The following SOX5 variants were observed in gnomAD, a reference collection of about 807,000 sequenced individuals.
SOX5 encodes SRY-box transcription factor 5.
A neutral mutation model predicts 92.0 loss-of-function variants in SOX5; 9 were observed. The observed-to-expected ratio is 0.10, with a 90% confidence interval of 0.06 to 0.17. The LOEUF (loss-of-function observed/expected upper bound fraction) is 0.17. SOX5 is among the 10% of genes least tolerant of loss of function. SOX5 has a pLI of 1.00. For synonymous variants in SOX5, 344 were observed against 336.3 expected (o/e 1.02, Z -0.25); for missense variants, 642 against 944.5 (o/e 0.68, Z 4.20).
chr12:23,658,314 T>A (rs1012412467), intron 7 of SOX5, among the ~76,000 whole-genome samples: 1 of 152,162 alleles, frequency 6.6e-6, no homozygotes, highest in African/African-American at 2.4e-5. Flanking sequence ...TCATGAGAAG[T>A]GGAAGATGAC....
intron 9 of SOX5, among the ~76,000 whole-genome samples, chr12:23,576,327 T>C (rs1949101735): frequency 6.6e-6 from 1 of 152,134 alleles, no homozygotes; most frequent in South Asian, 2.1e-4. Flanking sequence ...GCTCTCCAAA[T>C]TCAACACGCA....
intron 2 of SOX5, among the ~76,000 whole-genome samples, chr12:24,301,753 G>A (rs1595367220): frequency 6.6e-6 from 1 of 152,076 alleles, no homozygotes; most frequent in South Asian, 2.1e-4. Flanking sequence ...CTGGGTGGAG[G>A]ATGAAGAAAA....
intron 6 of SOX5, among the ~76,000 whole-genome samples, chr12:23,710,401 C>A (rs1051602498): frequency 1.3e-5 from 2 of 152,164 alleles, no homozygotes; most frequent in East Asian, 3.9e-4. Context: ...TTCCCCTACC[C>A]CACAACAGGC....
At chr12:24,069,365 A>G (rs748146869) in intron 4 of SOX5, among the ~76,000 whole-genome samples, 10 of 152,220 alleles carry the variant, frequency 6.6e-5, no homozygotes, top group Admixed American at 2.0e-4. Context: ...CTGGCCCAGT[A>G]TTGTAAAAGA....
intron 3 of SOX5, among the ~76,000 whole-genome samples, chr12:24,275,248 G>A (rs1944299938): frequency 1.3e-5 from 2 of 151,942 alleles, no homozygotes; most frequent in Non-Finnish European, 2.9e-5. Context: ...AACTTCTCAT[G>A]AGTCCATTAT....
intron 2 of SOX5, among the ~76,000 whole-genome samples, chr12:24,293,202 G>A (rs1299887499): frequency 6.6e-6 from 1 of 152,080 alleles, no homozygotes; most frequent in Non-Finnish European, 1.5e-5. Context: ...GGTGATATGT[G>A]ATGGAAGGAG....
intron 3 of SOX5, among the ~76,000 whole-genome samples, chr12:23,780,580 G>A (rs1247812461): frequency 1.3e-5 from 2 of 151,980 alleles, no homozygotes; most frequent in African/African-American, 2.4e-5. Context: ...GAATGAGGGA[G>A]AATTTATTTT....
At chr12:24,033,846 T>C (rs749307330) in intron 4 of SOX5, among the ~76,000 whole-genome samples, 1 of 152,032 alleles carries the variant, frequency 6.6e-6, no homozygotes, top group Non-Finnish European at 1.5e-5. Flanking sequence ...TACGCTAGCC[T>C]GAGTCAGATA....
intron 1 of SOX5, among the ~76,000 whole-genome samples, chr12:24,551,287 G>T (rs994244360): frequency 6.6e-6 from 1 of 152,206 alleles, no homozygotes; most frequent in African/African-American, 2.4e-5. Context: ...GGGCACGCTG[G>T]TGGATTTTCA....
chr12:23,751,707 T>C (rs767237497), intron 4 of SOX5, among the ~76,000 whole-genome samples: 5 of 152,076 alleles, frequency 3.3e-5, no homozygotes, highest in South Asian at 2.1e-4. Context: ...GATTATCTCC[T>C]TGAATCCCTT....
chr12:24,558,466 A>G (rs997266286), intron 1 of SOX5, among the ~76,000 whole-genome samples: 1 of 152,202 alleles, frequency 6.6e-6, no homozygotes, highest in East Asian at 1.9e-4. Flanking sequence ...AAATAGTCCT[A>G]CAGAAATGTC....
At chr12:23,985,915 C>T (rs1015031848) in intron 4 of SOX5, among the ~76,000 whole-genome samples, 11 of 151,998 alleles carry the variant, frequency 7.2e-5, no homozygotes, top group Admixed American at 3.3e-4. Context: ...TCTCAGCTCA[C>T]GGTCCCCTTC....
intron 3 of SOX5, among the ~76,000 whole-genome samples, chr12:24,219,263 C>T (rs1037494956): frequency 6.6e-6 from 1 of 151,784 alleles, no homozygotes; most frequent in African/African-American, 2.4e-5. Context: ...GACTACAGCT[C>T]ACAATAATTT....
chr12:24,049,638 GTTTTTTTTTTTTTTTTTTTTT>G (rs527647441), intron 4 of SOX5, among the ~76,000 whole-genome samples: 5 of 73,746 alleles, frequency 6.8e-5, no homozygotes, highest in South Asian at 6.1e-4. Context: ...ATCCTTCATA[GTTTTTTTTTTTTTTTTTTTTT>G]TTTTTTTTTT....
intron 1 of SOX5, among the ~76,000 whole-genome samples, chr12:23,935,575 T>C (rs1327028690): frequency 6.6e-6 from 1 of 151,180 alleles, no homozygotes; most frequent in East Asian, 1.9e-4. Flanking sequence ...TGGAAGTCAG[T>C]ATCTCTCAAA....
chr12:23,940,678 A>C (rs1943456005), intron 1 of SOX5, among the ~76,000 whole-genome samples: 1 of 151,076 alleles, frequency 6.6e-6, no homozygotes, highest in Admixed American at 6.6e-5. Context: ...GAATCAATGA[A>C]GATACTGGCA....
chr12:24,017,262 C>T (rs1592366088), intron 4 of SOX5, among the ~76,000 whole-genome samples: 1 of 152,216 alleles, frequency 6.6e-6, no homozygotes, highest in Non-Finnish European at 1.5e-5. Context: ...CAACCTGCCT[C>T]TTCTGCACAT....
chr12:23,591,357 G>C (rs1444121638), intron 9 of SOX5, among the ~76,000 whole-genome samples: 1 of 152,030 alleles, frequency 6.6e-6, no homozygotes, highest in South Asian at 2.1e-4. Flanking sequence ...GAGCCTATTA[G>C]GGGCCAGCTA....
At chr12:24,297,711 C>A (rs1002755600) in intron 2 of SOX5, among the ~76,000 whole-genome samples, 15 of 152,166 alleles carry the variant, frequency 9.9e-5, no homozygotes, top group Admixed American at 9.2e-4. Flanking sequence ...AACGCAGCAT[C>A]TGTGGGTCTG....
Sources: gnomAD v4.1 joint callset for allele counts (sites outside exome capture counted in the v4.1 genomes callset) on GRCh38, gnomAD v4.1.1 for gene constraint, MANE v1.5 for transcripts, NCBI Gene and HGNC (gene_info 2026-07-23, HGNC 2026-07-21) for gene names.